The following LRRIQ1 variants were observed in gnomAD, a reference collection of about 807,000 sequenced individuals.
LRRIQ1 encodes leucine-rich repeat- and IQ domain-containing protein 1.
LRRIQ1 carries 210 observed loss-of-function variants against 211.9 expected under a neutral mutation model. The ratio of observed to expected loss-of-function variants is 0.99; its 90% confidence interval spans 0.89 to 1.11. The LOEUF (loss-of-function observed/expected upper bound fraction) is 1.11, where lower values mean the gene tolerates loss of function less well. Ranked by LOEUF, LRRIQ1 falls within the 50% of genes most tolerant of loss-of-function variation. The probability of loss-of-function intolerance (pLI) is 0.00; values close to 1 mark genes in which losing one functional copy is unlikely to be tolerated. For synonymous variants in LRRIQ1, 699 were observed against 650.1 expected (o/e 1.08, Z -1.14); for missense variants, 2,136 against 1,939.5 (o/e 1.10, Z -1.90).
At chr12:85,146,820 T>A (rs564063341) in intron 19 of LRRIQ1, among the ~76,000 whole-genome samples, 1 of 151,874 alleles carries the variant, frequency 6.6e-6, no homozygotes, top group East Asian at 2.0e-4. Context: ...TTGGCCAGGC[T>A]GTACCTTGTT....
At chr12:85,069,730 A>G (rs1882864947) in intron 10 of LRRIQ1, among the ~76,000 whole-genome samples, 2 of 152,082 alleles carry the variant, frequency 1.3e-5, no homozygotes. Flanking sequence ...TTGGCTGCAT[A>G]AATGTCTTCT....
intron 16 of LRRIQ1, among the ~76,000 whole-genome samples, chr12:85,123,544 G>A (rs1391916377): frequency 6.6e-6 from 1 of 152,014 alleles, no homozygotes; most frequent in Non-Finnish European, 1.5e-5. Context: ...TTGTTCAAGA[G>A]AATCTTAGCC....
At chr12:85,230,966 C>G (rs982983550) in intron 25 of LRRIQ1, among the ~76,000 whole-genome samples, 2 of 151,512 alleles carry the variant, frequency 1.3e-5, no homozygotes, top group African/African-American at 2.4e-5. Context: ...GAGAATGGCA[C>G]GAACCCGGGA....
At chr12:85,108,707 G>T (rs997999478) in intron 15 of LRRIQ1, among the ~76,000 whole-genome samples, 1 of 151,948 alleles carries the variant, frequency 6.6e-6, no homozygotes, top group Non-Finnish European at 1.5e-5. Context: ...CTTTTGAGAT[G>T]GTTTCACATT....
In LRRIQ1 at chr12:85,091,266, A is replaced by G. The variant is rs576684016; in HGVS notation, c.2888-7089A>G. The stretch of plus-strand genomic sequence containing the variant: ...TGTCCAGTCTCGGTTATTTATTTAT[A>G]GCAATGCAAGAATGGCCTAATACAG... On this transcript the variant is annotated intron_variant, in intron 11 of 26. Coordinates refer to ENST00000393217, the MANE Select transcript of LRRIQ1 (RefSeq NM_001079910.2). Among the ~76,000 whole-genome samples, 5 of 152,284 alleles carry G rather than the reference A, an allele frequency of 3.3e-5. No individual in the cohort carries two copies. The East Asian group carries it at 9.6e-4, about 29-fold the overall frequency.
Position 85,244,825 on chromosome 12 carries a change from CT to C in LRRIQ1, c.5059del (p.Ser1687ProfsTer2). On this transcript the variant is annotated frameshift_variant, in exon 27 of 27. Coordinates refer to ENST00000393217, the MANE Select transcript of LRRIQ1 (RefSeq NM_001079910.2). LOFTEE classifies it high-confidence loss of function. Reference protein sequence around the residue: ...LVSREDTDLDLFSMTNGSALS... With the variant: ...LVSREDTDLDXFSMTNGSALS... ...AAGCAGAGAAGACACGGATTTAGAC[CT>C]TTTTTCCATGACCAATGGAAGTGCT... The C allele has an allele frequency of 6.2e-7, 1 of 1,611,088 alleles. No individual in the cohort carries two copies. Among genetic ancestry groups the C allele is most frequent in the East Asian group, 2.2e-5 (1 of 44,784 alleles).
intron 24 of LRRIQ1, among the ~76,000 whole-genome samples, chr12:85,197,473 A>G (rs1460172371): frequency 6.6e-6 from 1 of 150,770 alleles, no homozygotes; most frequent in Admixed American, 6.7e-5. Context: ...TGTGGCACAT[A>G]TACACCATGG....
At chr12:85,259,629 C>T (rs1896227719) in intron 1 of LRRIQ1, among the ~76,000 whole-genome samples, 1 of 152,044 alleles carries the variant, frequency 6.6e-6, no homozygotes, top group Non-Finnish European at 1.5e-5. Context: ...TTTAATCACA[C>T]CTAAAATATT....
chr12:85,056,298 A>T lies in LRRIQ1; in HGVS notation c.1505A>T (p.Lys502Ile), dbSNP rs775971015. Residue 502 changes from lysine to isoleucine, a missense_variant, in exon 8 of 27, where the codon AAA becomes ATA. Coordinates refer to ENST00000393217, the MANE Select transcript of LRRIQ1 (RefSeq NM_001079910.2). ...GAAGAATTGGTCAAGCAAGAAAGAA[A>T]ATATGAAAATACAGATAACAAAACT... is the stretch of plus-strand genomic sequence containing the variant. ...CSEELVKQER[K>I]YENTDNKTEL... 13 of 1,589,042 alleles carry T rather than the reference A, an allele frequency of 8.2e-6. No individual in the cohort carries two copies. The highest frequency in any genetic ancestry group is 1.0e-5 in the Non-Finnish European group (12 of 1,173,706).
At chr12:85,062,952 G>C (rs910460629) in intron 8 of LRRIQ1, among the ~76,000 whole-genome samples, 2 of 151,824 alleles carry the variant, frequency 1.3e-5, no homozygotes, top group African/African-American at 2.4e-5. Context: ...CTGATGAGTA[G>C]TGGTGTTGAG....
intron 24 of LRRIQ1, among the ~76,000 whole-genome samples, chr12:85,173,018 A>G (rs540657317): frequency 6.6e-6 from 1 of 152,214 alleles, no homozygotes; most frequent in African/African-American, 2.4e-5. Context: ...CTGAGGTAGG[A>G]GAATCGCTTG....
Position 85,244,866 on chromosome 12 carries a change from A to C in LRRIQ1, c.5094A>C (p.Arg1698Ser). ...MTNGSALSVN[R>S]EKKNQAHRHS... ...ATGGAAGTGCTTTGTCTGTGAACAG[A>C]GAAAAAAAAAATCAGGCACACAGAC... Residue 1698 changes from arginine (R) to serine (S), a missense_variant, in exon 27 of 27, where the codon AGA becomes AGC. Arg to Ser is a moderately radical substitution (Grantham distance 110). Transcript: ENST00000393217. 6.2e-7 allele frequency: 1 copy of C among 1,600,524 alleles called. No individual in the cohort carries two copies. The highest frequency in any genetic ancestry group is 1.1e-5 in the South Asian group (1 of 90,572).
intron 15 of LRRIQ1, among the ~76,000 whole-genome samples, chr12:85,116,104 T>C (rs1448140172): frequency 6.6e-6 from 1 of 152,180 alleles, no homozygotes; most frequent in Admixed American, 6.5e-5. Flanking sequence ...TGCCACAATA[T>C]TTCTTATTGT....
At chr12:85,142,102 A>G (rs1047965694) in intron 19 of LRRIQ1, among the ~76,000 whole-genome samples, 40 of 151,388 alleles carry the variant, frequency 2.6e-4, no homozygotes, top group Non-Finnish European at 8.9e-5. Flanking sequence ...TAGGCTTTCA[A>G]TTTTTAAATA....
rs775292927 is a variant in LRRIQ1 at position 85,040,533 on chromosome 12, T to C, written c.176T>C (p.Ile59Thr). The change falls in exon 3 of 27, where the codon ATC (isoleucine) becomes ACC (threonine). Residue 59 changes from isoleucine to threonine, a missense_variant. Coordinates refer to ENST00000393217, the MANE Select transcript of LRRIQ1 (RefSeq NM_001079910.2). The stretch of plus-strand genomic sequence containing the variant: ...GAATCAGTTCTTCACTGTATTAACA[T>C]CATAAAGAACAGGAGTAAAGCTGTT... ...LPESVLHCIN[I>T]IKNRSKAVEE... The C allele has an allele frequency of 6.3e-7, 1 of 1,595,632 alleles. No homozygotes were observed. Among genetic ancestry groups the C allele is most frequent in the South Asian group, 1.1e-5 (1 of 87,790 alleles).
chr12:85,045,496 A>G (rs893903690), intron 4 of LRRIQ1, among the ~76,000 whole-genome samples: 4 of 151,876 alleles, frequency 2.6e-5, no homozygotes, highest in South Asian at 2.1e-4. Context: ...TTAATTTTCA[A>G]TTATTATACT....
At chr12:85,140,441 C>A (rs887581046) in intron 19 of LRRIQ1, among the ~76,000 whole-genome samples, 8 of 151,156 alleles carry the variant, frequency 5.3e-5, no homozygotes, top group Admixed American at 4.6e-4. Context: ...TGTATATTGA[C>A]CTCATCTTCA....
chr12:85,092,721 C>G (rs1429381888), intron 11 of LRRIQ1, among the ~76,000 whole-genome samples: 1 of 152,122 alleles, frequency 6.6e-6, no homozygotes, highest in Admixed American at 6.6e-5. Context: ...CTGCACTAAC[C>G]TTTGGTGTTT....
At chr12:85,217,778 CTCTA>C (rs1357943792) in intron 24 of LRRIQ1, among the ~76,000 whole-genome samples, 100 of 123,090 alleles carry the variant, frequency 8.1e-4, no homozygotes, top group African/African-American at 4.9e-3. Flanking sequence ...GTGTGTCTCT[CTCTA>C]TATATATATG....
Sources: gnomAD v4.1 joint callset for allele counts (sites outside exome capture counted in the v4.1 genomes callset) on GRCh38, gnomAD v4.1.1 for gene constraint, MANE v1.5 for transcripts, NCBI Gene and HGNC (gene_info 2026-07-23, HGNC 2026-07-21) for gene names.